MECOM: variants seen among roughly 807,000 people sequenced by gnomAD.
MECOM encodes MDS1 and EVI1 complex locus.
A neutral mutation model predicts 116.3 loss-of-function variants in MECOM; 13 were observed. That is an observed-to-expected ratio of 0.11 (90% CI 0.07 to 0.18). The LOEUF (loss-of-function observed/expected upper bound fraction) is 0.18. Ranked by LOEUF, MECOM falls within the 10% of genes least tolerant of loss-of-function variation. MECOM has a pLI of 1.00. For synonymous variants in MECOM, 528 were observed against 535.2 expected, an observed-to-expected ratio of 0.99 and a Z score of 0.19; for missense variants, 1,299 against 1,509.0, an observed-to-expected ratio of 0.86 and a Z score of 2.31.
In MECOM at chr3:169,202,453, A is replaced by G. The variant is rs527323339; in HGVS notation, c.376-58621T>C. 3.9e-5 allele frequency among the ~76,000 whole-genome samples: 6 copies of G among 152,210 alleles called. No homozygotes were observed. In the South Asian group the frequency reaches 1.2e-3, roughly 32 times the overall value. On this transcript the variant is annotated intron_variant, in intron 2 of 16. Transcript: ENST00000651503. ...TTTATTGCAGAATGTTTTCCTTCCT[A>G]GAGTTGGCCAGAAATTCTGTACAAA... is the stretch of plus-strand genomic sequence containing the variant.
intron 1 of MECOM, among the ~76,000 whole-genome samples, chr3:169,568,940 G>C: frequency 6.6e-6 from 1 of 152,024 alleles, no homozygotes; most frequent in Non-Finnish European, 1.5e-5. Flanking sequence ...CAACTAACGG[G>C]CAAAATAACC....
chr3:169,285,538 T>C (rs1713102472), intron 2 of MECOM, among the ~76,000 whole-genome samples: 1 of 152,238 alleles, frequency 6.6e-6, no homozygotes, highest in Non-Finnish European at 1.5e-5. Context: ...ACTTCCTTCA[T>C]ATCTGGTATC....
At chr3:169,461,783 T>C (rs1747488586) in intron 1 of MECOM, among the ~76,000 whole-genome samples, 1 of 152,194 alleles carries the variant, frequency 6.6e-6, no homozygotes. Context: ...TTAACCTTTA[T>C]AGAAAGCATG....
chr3:169,646,871 C>T (rs1560531890), intron 1 of MECOM, among the ~76,000 whole-genome samples: 1 of 152,116 alleles, frequency 6.6e-6, no homozygotes, highest in African/African-American at 2.4e-5. Flanking sequence ...ATTTGGATCT[C>T]CCTAAACAAA....
Position 169,089,051 on chromosome 3 carries a change from G to A in MECOM, c.3534C>T (p.Ser1178=), listed in dbSNP as rs1270002263. 4 of 1,606,846 alleles carry A rather than the reference G, an allele frequency of 2.5e-6. No homozygotes were observed. The highest frequency in any genetic ancestry group is 3.4e-6 in the Non-Finnish European group (4 of 1,177,224). The change falls in exon 16 of 17, where the codon TCC becomes TCT. Residue 1178 remains serine, a synonymous_variant. Coordinates refer to ENST00000651503, the MANE Select transcript of MECOM (RefSeq NM_004991.4). The stretch of plus-strand genomic sequence containing the variant: ...GCTGCTTAAGTTCCTCTGGCACATG[G>A]GAAGTACTAAAAGAAGACAGCTCAG... ...SEAELSSFST[S]HVPEELKQPL... is the part of the protein sequence containing the mutation.
chr3:169,250,259 A>T (rs1428821386), intron 2 of MECOM, among the ~76,000 whole-genome samples: 1 of 152,090 alleles, frequency 6.6e-6, no homozygotes, highest in East Asian at 1.9e-4. Context: ...CTGTCAATTG[A>T]CTCTTAGTAG....
chr3:169,108,359 T>C (rs905524970), intron 9 of MECOM, among the ~76,000 whole-genome samples: 5 of 152,160 alleles, frequency 3.3e-5, no homozygotes, highest in African/African-American at 1.2e-4. Context: ...AGAAAAGATA[T>C]TTACTCAAAT....
chr3:169,663,401 T>A lies in MECOM; in HGVS notation c.-29A>T, dbSNP rs1776585500. The stretch of plus-strand genomic sequence containing the variant: ...GTGCCCAGTCCTGCAGCCGCTGGTG[T>A]GTGGTTGGGGCTTTTTTTTCTTGGA... On this transcript the variant is annotated 5_prime_UTR_variant, in exon 1 of 17. Transcript: ENST00000651503. 1 of 1,603,506 alleles carries A rather than the reference T, an allele frequency of 6.2e-7. No individual in the cohort carries two copies. The highest frequency in any genetic ancestry group is 1.3e-5 in the African/African-American group (1 of 74,704).
At chr3:169,651,255 C>T (rs147646532) in intron 1 of MECOM, among the ~76,000 whole-genome samples, 62 of 152,300 alleles carry the variant, frequency 4.1e-4, no homozygotes, top group African/African-American at 1.5e-3. Context: ...GCCTTTTCTG[C>T]ATCTATTGAG....
intron 1 of MECOM, among the ~76,000 whole-genome samples, chr3:169,518,953 G>T (rs1757033998): frequency 1.3e-5 from 2 of 152,288 alleles, no homozygotes; most frequent in Non-Finnish European, 2.9e-5. Context: ...CAGCCATGTG[G>T]AATGGTAAGT....
At chr3:169,650,534 T>G (rs1318087111) in intron 1 of MECOM, among the ~76,000 whole-genome samples, 1 of 152,118 alleles carries the variant, frequency 6.6e-6, no homozygotes, top group East Asian at 1.9e-4. Flanking sequence ...GGGCATAATA[T>G]AAGACCTGGA....
intron 1 of MECOM, among the ~76,000 whole-genome samples, chr3:169,450,254 GAA>G (rs1745328939): frequency 6.6e-6 from 1 of 152,124 alleles, no homozygotes. Flanking sequence ...GAAAAGCTTT[GAA>G]GACTGTACGG....
At chr3:169,366,098 C>T (rs372978860) in intron 2 of MECOM, among the ~76,000 whole-genome samples, 8 of 152,092 alleles carry the variant, frequency 5.3e-5, no homozygotes, top group African/African-American at 1.9e-4. Flanking sequence ...GTTACTGTAG[C>T]TAATCTCTCC....
intron 1 of MECOM, among the ~76,000 whole-genome samples, chr3:169,561,002 T>A (rs1312225498): frequency 2.0e-5 from 3 of 151,788 alleles, no homozygotes; most frequent in African/African-American, 7.3e-5. Context: ...TAATCAAAAC[T>A]AGGGAAATAT....
At chr3:169,393,042 C>A (rs1734476652) in intron 1 of MECOM, among the ~76,000 whole-genome samples, 1 of 152,098 alleles carries the variant, frequency 6.6e-6, no homozygotes, top group Non-Finnish European at 1.5e-5. Flanking sequence ...CCCATGTCAA[C>A]TAAATATGTA....
At chr3:169,299,119 C>A (rs149206455) in intron 2 of MECOM, among the ~76,000 whole-genome samples, 1 of 152,180 alleles carries the variant, frequency 6.6e-6, no homozygotes, top group East Asian at 1.9e-4. Flanking sequence ...ACAAATAGAT[C>A]CTTCCTAGAA....
intron 2 of MECOM, among the ~76,000 whole-genome samples, chr3:169,161,477 C>T (rs9861954): frequency 2.6e-5 from 4 of 151,796 alleles, no homozygotes; most frequent in African/African-American, 4.8e-5. Flanking sequence ...AGACAAAAGA[C>T]TTTTTTTTCC....
chr3:169,184,709 A>G (rs892962545), intron 2 of MECOM, among the ~76,000 whole-genome samples: 2 of 152,138 alleles, frequency 1.3e-5, no homozygotes, highest in Non-Finnish European at 2.9e-5. Context: ...AACTACTGCT[A>G]TGGACAACAG....
At chr3:169,221,567 TAA>T (rs34439968) in intron 2 of MECOM, among the ~76,000 whole-genome samples, 15 of 132,306 alleles carry the variant, frequency 1.1e-4, no homozygotes, top group Admixed American at 1.5e-4. Flanking sequence ...AAAGAGATGT[TAA>T]AAAAAAAAAA....
Sources: gnomAD v4.1 joint callset for allele counts (sites outside exome capture counted in the v4.1 genomes callset) on GRCh38, gnomAD v4.1.1 for gene constraint, MANE v1.5 for transcripts, NCBI Gene and HGNC (gene_info 2026-07-23, HGNC 2026-07-21) for gene names.